Variants in OR3A2 observed in about 807,000 individuals in gnomAD.
The protein encoded by OR3A2 is olfactory receptor 3A2.
For missense variants in OR3A2, 318 were observed against 392.8 expected (o/e 0.81, Z 1.61); for synonymous variants, 126 against 159.3 (o/e 0.79, Z 1.57).
rs945698553 is a variant in OR3A2, at chr17:3,318,804, G to C, written c.-85+17229C>G. Among the ~76,000 whole-genome samples, 91 of 152,012 alleles carry C rather than the reference G, an allele frequency of 6.0e-4. 1 individual carries two copies. Among genetic ancestry groups the C allele is most frequent in the Admixed American group, 2.6e-4 (4 of 15,234 alleles). ...TATTTTCAACACTTTTATGAATATTGACAAACTATCAACTAGACAGATTGT... is the reference window on the plus strand; with the variant it reads ...TATTTTCAACACTTTTATGAATATTCACAAACTATCAACTAGACAGATTGT... On this transcript the variant is annotated intron_variant, in intron 3 of 4. Coordinates refer to the OR3A2 transcript ENST00000573491.
chr17:3,328,066 TA>T (rs1294752359), intron 3 of OR3A2, among the ~76,000 whole-genome samples: 2 of 145,822 alleles, frequency 1.4e-5, no homozygotes, highest in African/African-American at 5.3e-5. Context: ...ATATGAACTT[TA>T]AAGTAGTTTT....
chr17:3,295,949 G>C (rs2048915134), intron 3 of OR3A2, among the ~76,000 whole-genome samples: 1 of 152,126 alleles, frequency 6.6e-6, no homozygotes, highest in Admixed American at 6.5e-5. Context: ...GTCAGAAACA[G>C]GGTAACAGTG....
intron 2 of OR3A2, among the ~76,000 whole-genome samples, chr17:3,362,180 C>G (rs1225140827): frequency 3.3e-5 from 5 of 151,796 alleles, no homozygotes; most frequent in African/African-American, 4.9e-5. Flanking sequence ...TCCATTTCTT[C>G]TAGATTTTCT....
intron 3 of OR3A2, among the ~76,000 whole-genome samples, chr17:3,331,428 T>C (rs1005152663): frequency 6.6e-6 from 1 of 151,918 alleles, no homozygotes; most frequent in African/African-American, 2.4e-5. Context: ...TTATTCTTTT[T>C]TCTCTAAACT....
At chr17:3,379,571 G>A (rs1169758185) in intron 2 of OR3A2, among the ~76,000 whole-genome samples, 1 of 152,128 alleles carries the variant, frequency 6.6e-6, no homozygotes, top group Admixed American at 6.5e-5. Flanking sequence ...GGGTGAGGTG[G>A]GACCTCAGAG....
At position 3,326,626 on chromosome 17, in the gene OR3A2, A is replaced by G. The variant is rs1219617628; in HGVS notation, c.-85+9407T>C. 3.3e-5 allele frequency among the ~76,000 whole-genome samples: 5 copies of G among 149,330 alleles called. No homozygotes were observed. The Admixed American group carries it at 3.4e-4, about 10-fold the overall frequency. ...GTGCAGGTCAGTTACATATGTATAC[A>G]TGTGCCATGCTGGTGTGCTGCACCC... is the stretch of plus-strand genomic sequence containing the variant. On this transcript the variant is annotated intron_variant, in intron 3 of 4. Coordinates refer to the OR3A2 transcript ENST00000573491.
At chr17:3,340,199 G>C (rs753527262) in intron 2 of OR3A2, among the ~76,000 whole-genome samples, 2 of 151,800 alleles carry the variant, frequency 1.3e-5, no homozygotes, top group Non-Finnish European at 2.9e-5. Context: ...CAATTTTATT[G>C]ATCTTTTCAA....
upstream of OR3A2, among the ~76,000 whole-genome samples, chr17:3,285,742 C>T (rs571555998): frequency 2.6e-5 from 4 of 152,218 alleles, no homozygotes; most frequent in African/African-American, 9.6e-5. Context: ...GAGCCGTGAT[C>T]GCACCACTGC....
intron 3 of OR3A2, among the ~76,000 whole-genome samples, chr17:3,318,620 A>G (rs2049095246): frequency 6.6e-6 from 1 of 152,182 alleles, no homozygotes; most frequent in Non-Finnish European, 1.5e-5. Context: ...GAATAAATGC[A>G]TCTGCTTCAG....
intron 3 of OR3A2, among the ~76,000 whole-genome samples, chr17:3,296,069 A>G (rs1013705618): frequency 9.2e-5 from 14 of 152,272 alleles, no homozygotes; most frequent in African/African-American, 3.4e-4. Context: ...ACCTTCCTTA[A>G]AGTGCCCATG....
chr17:3,338,972 A>T (rs571446462), intron 2 of OR3A2, among the ~76,000 whole-genome samples: 1 of 152,258 alleles, frequency 6.6e-6, no homozygotes, highest in Admixed American at 6.5e-5. Flanking sequence ...CTCCTTGAAG[A>T]GGTCCTTCAC....
At chr17:3,291,598 T>C (rs373251690) in intron 3 of OR3A2, 3 of 1,509,214 alleles carry the variant, frequency 2.0e-6, no homozygotes, top group East Asian at 4.6e-5. Context: ...TTTCCTTTAG[T>C]ACAAGACACA....
chr17:3,367,967 T>C (rs2049578765), intron 2 of OR3A2, among the ~76,000 whole-genome samples: 1 of 152,220 alleles, frequency 6.6e-6, no homozygotes, highest in African/African-American at 2.4e-5. Flanking sequence ...ATTGTGGTTT[T>C]GATATGCATT....
At chr17:3,341,485 C>T (rs2049318416) in intron 2 of OR3A2, among the ~76,000 whole-genome samples, 1 of 152,234 alleles carries the variant, frequency 6.6e-6, no homozygotes, top group African/African-American at 2.4e-5. Context: ...TCAGCATTTG[C>T]TTGTCTGTAA....
chr17:3,320,326 G>T (rs1179868252), intron 3 of OR3A2, among the ~76,000 whole-genome samples: 2 of 150,120 alleles, frequency 1.3e-5, no homozygotes, highest in Non-Finnish European at 3.0e-5. Context: ...CATTCCGTAG[G>T]TTGCCTGTTC....
In OR3A2 at chr17:3,359,831, T is replaced by C. The variant is rs140427014; in HGVS notation, c.-178-23705A>G. On this transcript the variant is annotated intron_variant, in intron 2 of 4. Coordinates refer to the OR3A2 transcript ENST00000573491. ...AATCCAGTCTATCATTGTTGGACAT[T>C]TGGGTTGGTTCAAAGTCTTTGCTAT... Among the ~76,000 whole-genome samples the C allele has an allele frequency of 1.6e-3, 239 of 151,874 alleles. 9 individuals are homozygous for C. In the East Asian group the frequency reaches 0.042, roughly 27 times the overall value.
intron 3 of OR3A2, among the ~76,000 whole-genome samples, chr17:3,302,264 A>C (rs2150626817): frequency 6.6e-6 from 1 of 152,318 alleles, no homozygotes; most frequent in South Asian, 2.1e-4. Context: ...ATATGGAACC[A>C]AAAAAGAGCG....
chr17:3,329,646 T>G (rs1483113820), intron 3 of OR3A2, among the ~76,000 whole-genome samples: 1 of 141,360 alleles, frequency 7.1e-6, no homozygotes, highest in East Asian at 2.0e-4. Context: ...ATTTTGTTGA[T>G]CCTTTCAAAA....
intron 2 of OR3A2, among the ~76,000 whole-genome samples, chr17:3,371,025 C>A (rs948243298): frequency 6.6e-6 from 1 of 152,080 alleles, no homozygotes; most frequent in African/African-American, 2.4e-5. Flanking sequence ...TCTTTCTACA[C>A]AGACACGGCA....
Sources: gnomAD v4.1 joint callset for allele counts (sites outside exome capture counted in the v4.1 genomes callset) on GRCh38, gnomAD v4.1.1 for gene constraint, MANE v1.5 for transcripts, NCBI Gene and HGNC (gene_info 2026-07-23, HGNC 2026-07-21) for gene names.